The following ATF3 variants were observed in gnomAD, a reference collection of about 807,000 sequenced individuals.
ATF3 encodes the protein activating transcription factor 3, also known as cyclic AMP-dependent transcription factor ATF-3.
A neutral mutation model predicts 18.4 loss-of-function variants in ATF3; 10 were observed. The ratio of observed to expected loss-of-function variants is 0.54; its 90% confidence interval spans 0.34 to 0.92. The LOEUF (loss-of-function observed/expected upper bound fraction) is 0.92, where lower values mean the gene tolerates loss of function less well. Ranked by LOEUF, ATF3 falls within the 40% of genes least tolerant of loss-of-function variation. The probability of loss-of-function intolerance (pLI) is 0.02; values close to 1 mark genes in which losing one functional copy is unlikely to be tolerated. For synonymous variants in ATF3, 78 were observed against 87.9 expected, an observed-to-expected ratio of 0.89 and a Z score of 0.63; for missense variants, 183 against 222.3, an observed-to-expected ratio of 0.82 and a Z score of 1.12.
intron 1 of ATF3, among the ~76,000 whole-genome samples, chr1:212,587,496 C>T (rs1021115851): frequency 6.6e-6 from 1 of 152,200 alleles, no homozygotes; most frequent in Non-Finnish European, 1.5e-5. Context: ...GTCTGTACCT[C>T]TTGTGACCAA....
Position 212,618,482 on chromosome 1 carries a change from C to T in ATF3, c.348+248C>T, listed in dbSNP as rs1019510530. ...TCTGATGCCTGACTCCCAGCAGCCT[C>T]GGCCGGTTCATACATGTCCATCAGC... On this transcript the variant is annotated intron_variant, in intron 3 of 3. Transcript: ENST00000341491. This position sits in a 1 kb window ranked among gnomAD's most constrained non-coding sequence, Gnocchi z 4.4. 5.7e-5 allele frequency: 30 copies of T among 523,388 alleles called. No homozygotes were observed. Among genetic ancestry groups the T allele is most frequent in the Middle Eastern group, 5.3e-4 (1 of 1,884 alleles). The allele number at this position is 523,388 out of a possible 1,614,324, so 32.4% of individuals were successfully genotyped here. A position where few individuals can be genotyped will look rare whatever the true frequency, so the allele number is the denominator to read the frequency against.
intron 1 of ATF3, among the ~76,000 whole-genome samples, chr1:212,598,641 C>G (rs1343487691): frequency 6.6e-6 from 1 of 152,192 alleles, no homozygotes; most frequent in Non-Finnish European, 1.5e-5. Flanking sequence ...GGTAACCATC[C>G]TTCTACTCTT....
chr1:212,568,592 C>T (rs1186037714), intron 1 of ATF3, among the ~76,000 whole-genome samples: 2 of 152,180 alleles, frequency 1.3e-5, no homozygotes, highest in Non-Finnish European at 2.9e-5. Context: ...CCATTCATGG[C>T]AAATCAATCC....
chr1:212,598,862 T>C (rs1005904312), intron 1 of ATF3, among the ~76,000 whole-genome samples: 1 of 152,228 alleles, frequency 6.6e-6, no homozygotes, highest in Non-Finnish European at 1.5e-5. Context: ...CATTCATCTG[T>C]TGATGGACAC....
chr1:212,619,420 C>T lies in ATF3; in HGVS notation c.411C>T (p.Asn137=), dbSNP rs369430772. ...AGGCTCAGATTGAGGAGCTCAAGAA[C>T]GAGAAGCAGCATTTGATATACATGC... ...ELKAQIEELK[N]EKQHLIYMLN... The change falls in exon 4 of 4, where the codon AAC becomes AAT. Residue 137 remains asparagine (N), a synonymous_variant. Coordinates refer to ENST00000341491, the MANE Select transcript of ATF3 (RefSeq NM_001674.4). This position sits in a 1 kb window ranked among gnomAD's most constrained non-coding sequence, Gnocchi z 4.4. 8.6e-5 allele frequency: 139 copies of T among 1,614,086 alleles called. No individual in the cohort carries two copies. The East Asian group carries it at 2.4e-3, about 27-fold the overall frequency.
intron 1 of ATF3, among the ~76,000 whole-genome samples, chr1:212,597,408 G>GT (rs1654316888): frequency 1.7e-5 from 2 of 115,432 alleles, no homozygotes; most frequent in African/African-American, 6.9e-5. Flanking sequence ...TGGGTACTGA[G>GT]TTACATCTAT....
In ATF3 at chr1:212,599,434, A is replaced by G. The variant is rs1344289607; in HGVS notation, c.-4-15584A>G. ...TGTTATCCAAAGCCTGAGGGAAAGC[A>G]TAAATTACAGCTGTGAACCAGTGAG... is the stretch of plus-strand genomic sequence containing the variant. On this transcript the variant is annotated intron_variant, in intron 1 of 3. Transcript: ENST00000366981. 2.6e-5 allele frequency among the ~76,000 whole-genome samples: 4 copies of G among 152,358 alleles called. No homozygotes were observed. The East Asian group carries it at 7.7e-4, about 29-fold the overall frequency.
Position 212,618,785 on chromosome 1 carries a change from T to C in ATF3, c.348+551T>C. The C allele has an allele frequency of 1.8e-6, 1 of 556,308 alleles. No individual in the cohort carries two copies. Among genetic ancestry groups the C allele is most frequent in the Non-Finnish European group, 3.2e-6 (1 of 311,544 alleles). The allele number at this position is 556,308 out of a possible 1,614,324, so 34.5% of individuals were successfully genotyped here. On this transcript the variant is annotated intron_variant, in intron 3 of 3. Transcript: ENST00000341491. This position sits in a 1 kb window ranked among gnomAD's most constrained non-coding sequence, Gnocchi z 4.4. Reference sequence around the variant, plus strand: ...TGAGAGACACTAGGGGAAATAGCTTTTGTGGGCAAGCAGGGTGGCCGGTGG... The same window carrying C: ...TGAGAGACACTAGGGGAAATAGCTTCTGTGGGCAAGCAGGGTGGCCGGTGG...
chr1:212,599,891 C>A (rs1654433626), intron 1 of ATF3, among the ~76,000 whole-genome samples: 1 of 152,184 alleles, frequency 6.6e-6, no homozygotes, highest in African/African-American at 2.4e-5. Flanking sequence ...GGTGAGGCAA[C>A]ACTGCTGTAC....
chr1:212,608,328 T>G (rs923223731), upstream of ATF3, among the ~76,000 whole-genome samples: 22 of 148,308 alleles, frequency 1.5e-4, no homozygotes, highest in Non-Finnish European at 2.1e-4. Context: ...CTCCCCACCT[T>G]CCCCGCCCCC....
intron 1 of ATF3, among the ~76,000 whole-genome samples, chr1:212,601,862 G>A (rs1026348728): frequency 1.3e-5 from 2 of 152,146 alleles, no homozygotes; most frequent in Admixed American, 6.5e-5. Flanking sequence ...AGGGTAAGGC[G>A]TGAAGAGGGA....
chr1:212,589,505 GA>G (rs914846414), intron 1 of ATF3, among the ~76,000 whole-genome samples: 1 of 151,990 alleles, frequency 6.6e-6, no homozygotes, highest in Admixed American at 6.6e-5. Context: ...AAAGTTGGGG[GA>G]AAGGAATAAG....
Position 212,619,232 on chromosome 1 carries a change from C to T in ATF3, c.349-126C>T. 1.2e-6 allele frequency: 2 copies of T among 1,610,366 alleles called. No homozygotes were observed. The highest frequency in any genetic ancestry group is 1.7e-5 in the Admixed American group (1 of 59,734). On this transcript the variant is annotated intron_variant, in intron 3 of 3. Transcript: ENST00000341491. The surrounding 1 kb of genome is among the most constrained non-coding windows in gnomAD (Gnocchi z 4.4). ...GTGCTGCTCTCCCATCTCCCATCTT[C>T]CTCTCGCAGCTTGATGAGCCCCGGT... is the stretch of plus-strand genomic sequence containing the variant.
At chr1:212,587,377 A>G (rs1023687526) in intron 1 of ATF3, among the ~76,000 whole-genome samples, 7 of 152,212 alleles carry the variant, frequency 4.6e-5, no homozygotes, top group African/African-American at 1.4e-4. Flanking sequence ...TATTGTTTCT[A>G]TGGGAAAATA....
At chr1:212,571,954 C>T (rs1234711145) in intron 1 of ATF3, among the ~76,000 whole-genome samples, 3 of 151,634 alleles carry the variant, frequency 2.0e-5, no homozygotes, top group Admixed American at 1.3e-4. Context: ...CCTCGTGATC[C>T]GCCCGGCTCG....
chr1:212,602,467 G>A (rs1169750564), intron 1 of ATF3, among the ~76,000 whole-genome samples: 1 of 152,106 alleles, frequency 6.6e-6, no homozygotes, highest in African/African-American at 2.4e-5. Context: ...TCAAAGGAGG[G>A]CCCTGAACTG....
rs1205329881 is a variant in ATF3 at position 212,576,717 on chromosome 1, TTTTC to T, written c.-5+11238_-5+11241del. ...TATTAAAAAATATTCTTTTCTTTTC[TTTTC>T]TTTTTTTTTTTTTTTTTTTTTTTTG... On this transcript the variant is annotated intron_variant, in intron 1 of 3. Coordinates refer to the ATF3 transcript ENST00000366981. Among the ~76,000 whole-genome samples the T allele has an allele frequency of 2.5e-3, 183 of 73,584 alleles. 4 individuals are homozygous for T. The highest frequency in any genetic ancestry group is 0.013 in the African/African-American group (178 of 13,594). The allele number at this position is 73,584 out of a possible 152,430, so 48.3% of individuals were successfully genotyped here.
intron 1 of ATF3, among the ~76,000 whole-genome samples, chr1:212,575,207 C>G (rs1664552224): frequency 6.6e-6 from 1 of 151,834 alleles, no homozygotes; most frequent in Non-Finnish European, 1.5e-5. Flanking sequence ...TTATTTAGGT[C>G]TTCTTGTATT....
rs115122350 is a variant in ATF3, at chr1:212,600,890, T to C, written c.-4-14128T>C. On this transcript the variant is annotated intron_variant, in intron 1 of 3. Coordinates refer to the ATF3 transcript ENST00000366981. The stretch of plus-strand genomic sequence containing the variant: ...TAAACATACATACATATATATATAG[T>C]ATATATATAAAATACCTACTATATT... 4.9e-3 allele frequency among the ~76,000 whole-genome samples: 751 copies of C among 152,152 alleles called. 10 individuals carry two copies. The highest frequency in any genetic ancestry group is 0.017 in the African/African-American group (717 of 41,480).
Sources: gnomAD v4.1 joint callset for allele counts (sites outside exome capture counted in the v4.1 genomes callset) on GRCh38, gnomAD v4.1.1 for gene constraint, Gnocchi (gnomAD v3.1) non-coding constraint, MANE v1.5 for transcripts, NCBI Gene and HGNC (gene_info 2026-07-23, HGNC 2026-07-21) for gene names.